PARN: variants seen among roughly 807,000 people sequenced by gnomAD.
The protein encoded by PARN is poly(A)-specific ribonuclease, also known as poly(A)-specific ribonuclease PARN.
A neutral mutation model predicts 102.8 loss-of-function variants in PARN; 71 were observed. The observed-to-expected ratio is 0.69, with a 90% confidence interval of 0.57 to 0.84. The LOEUF (loss-of-function observed/expected upper bound fraction) is 0.84. Among genes scored for constraint, PARN ranks in the 40% least tolerant of loss-of-function variants. The pLI, the probability that PARN is intolerant of heterozygous loss-of-function variation, is 0.00. For missense variants in PARN, 782 were observed against 760.9 expected, an observed-to-expected ratio of 1.03 and a Z score of -0.33; for synonymous variants, 261 against 252.9, an observed-to-expected ratio of 1.03 and a Z score of -0.30.
chr16:14,557,383 C>T (rs1967755865), intron 18 of PARN, among the ~76,000 whole-genome samples: 1 of 151,602 alleles, frequency 6.6e-6, no homozygotes, highest in African/African-American at 2.4e-5. Flanking sequence ...ATGGTGAAAT[C>T]CCGTCTCTAC....
chr16:14,617,681 G>T (rs766779090), intron 5 of PARN, 31 bp from the exon 6 acceptor site: 2 of 1,361,234 alleles, frequency 1.5e-6, no homozygotes, highest in South Asian at 1.2e-5. Context: ...CACATGTTTT[G>T]GGGATGTTAG....
At chr16:14,617,554 T>A (rs766947462) in intron 6 of PARN, 36 bp downstream of exon 6, 6 of 1,012,768 alleles carry the variant, frequency 5.9e-6, no homozygotes, top group Non-Finnish European at 9.5e-6. Flanking sequence ...TTTTGAAGGT[T>A]TATAAGCTCT....
chr16:14,487,605 T>C (rs1026583193), intron 21 of PARN, among the ~76,000 whole-genome samples: 1 of 152,202 alleles, frequency 6.6e-6, no homozygotes, highest in African/African-American at 2.4e-5. Context: ...GGAACAGGGC[T>C]AACTCATAGG....
At chr16:14,530,257 A>G (rs1315054080) in intron 21 of PARN, among the ~76,000 whole-genome samples, 1 of 152,160 alleles carries the variant, frequency 6.6e-6, no homozygotes, top group Admixed American at 6.5e-5. Context: ...GAAGCTGTCC[A>G]CAGGAATCCC....
chr16:14,607,888 A>G (rs1445121647), intron 9 of PARN, among the ~76,000 whole-genome samples: 2 of 152,172 alleles, frequency 1.3e-5, no homozygotes, highest in Non-Finnish European at 2.9e-5. Flanking sequence ...TCTGGATGTT[A>G]TTTCAGGGGA....
chr16:14,562,550 A>C (rs1262767164), intron 18 of PARN, among the ~76,000 whole-genome samples: 1 of 152,100 alleles, frequency 6.6e-6, no homozygotes, highest in East Asian at 1.9e-4. Flanking sequence ...ACTCCTTGAA[A>C]CCAGGAGGCC....
chr16:14,575,736 G>C (rs1381190336), intron 18 of PARN, among the ~76,000 whole-genome samples: 3 of 152,166 alleles, frequency 2.0e-5, no homozygotes, highest in Non-Finnish European at 2.9e-5. Flanking sequence ...AGGCATGACT[G>C]GTTTTGAATT....
chr16:14,525,986 T>A (rs1965977441), intron 21 of PARN, among the ~76,000 whole-genome samples: 1 of 151,454 alleles, frequency 6.6e-6, no homozygotes, highest in African/African-American at 2.4e-5. Flanking sequence ...GCCCGGCTAA[T>A]TTTTTTTGTA....
At chr16:14,451,350 C>T (rs1961436892) in intron 22 of PARN, among the ~76,000 whole-genome samples, 2 of 152,266 alleles carry the variant, frequency 1.3e-5, no homozygotes, top group East Asian at 3.9e-4. Context: ...GACTTTAACT[C>T]GTTCATCTTA....
chr16:14,452,198 C>T (rs1448236237), intron 22 of PARN, among the ~76,000 whole-genome samples: 1 of 152,186 alleles, frequency 6.6e-6, no homozygotes, highest in Admixed American at 6.5e-5. Context: ...ATCCTAACCA[C>T]AGATTATGGT....
chr16:14,621,055 T>C (rs1403197790), intron 5 of PARN, among the ~76,000 whole-genome samples: 2 of 152,144 alleles, frequency 1.3e-5, no homozygotes, highest in Non-Finnish European at 2.9e-5. Context: ...CACAAACAAA[T>C]AGAAGCACAT....
chr16:14,627,404 A>G (rs1235940282), intron 3 of PARN, 68 bp from the exon 4 acceptor site: 2 of 1,109,102 alleles, frequency 1.8e-6, no homozygotes, highest in Middle Eastern at 1.9e-4. Context: ...AGCATTCTCA[A>G]ACAGGTGGGC....
chr16:14,485,865 T>A (rs561509922), intron 21 of PARN, among the ~76,000 whole-genome samples: 1 of 152,246 alleles, frequency 6.6e-6, no homozygotes, highest in African/African-American at 2.4e-5. Context: ...TTTTTGTAAT[T>A]TTCACAGAGA....
intron 22 of PARN, among the ~76,000 whole-genome samples, chr16:14,468,126 T>G (rs763496589): frequency 6.6e-6 from 1 of 152,130 alleles, no homozygotes; most frequent in African/African-American, 2.4e-5. Context: ...GGATCATAAA[T>G]GGATATCTTA....
chr16:14,457,258 T>A (rs1961720435), intron 22 of PARN, among the ~76,000 whole-genome samples: 1 of 151,766 alleles, frequency 6.6e-6, no homozygotes, highest in Non-Finnish European at 1.5e-5. Flanking sequence ...TGAGGGAAGG[T>A]CCCACTGTGC....
chr16:14,616,884 A>C (rs1971936076), intron 6 of PARN, among the ~76,000 whole-genome samples: 1 of 152,104 alleles, frequency 6.6e-6, no homozygotes, highest in African/African-American at 2.4e-5. Flanking sequence ...TTTCTAAACT[A>C]CATACCTCTT....
intron 12 of PARN, among the ~76,000 whole-genome samples, chr16:14,598,147 A>T (rs1054392106): frequency 2.5e-4 from 38 of 149,648 alleles, no homozygotes; most frequent in East Asian, 9.8e-4. Flanking sequence ...CGGCTCAAAA[A>T]ATATATATAT....
At chr16:14,627,239 G>C in intron 4 of PARN, 30 bp downstream of exon 4, 2 of 1,583,796 alleles carry the variant, frequency 1.3e-6, no homozygotes, top group South Asian at 2.3e-5. Flanking sequence ...CACAAAAACG[G>C]AATTCCCAAC....
chr16:14,441,182 G>A (rs921674119), intron 23 of PARN, among the ~76,000 whole-genome samples: 1 of 152,196 alleles, frequency 6.6e-6, no homozygotes, highest in Non-Finnish European at 1.5e-5. Flanking sequence ...GTTGGCCGCA[G>A]AGCAACAATG....
Sources: allele counts gnomAD v4.1 joint callset (sites outside exome capture counted in the v4.1 genomes callset), GRCh38; gene constraint gnomAD v4.1.1; transcripts MANE v1.5; gene names NCBI Gene and HGNC (gene_info 2026-07-23, HGNC 2026-07-21).